STAMBPL1: variants seen among roughly 807,000 people sequenced by gnomAD.
The protein encoded by STAMBPL1 is STAM binding protein like 1.
Under a neutral mutation model 52.9 loss-of-function variants are expected in STAMBPL1, and 44 were observed. That is an observed-to-expected ratio of 0.83 (90% confidence interval 0.65 to 1.07). The LOEUF (loss-of-function observed/expected upper bound fraction) is 1.07. STAMBPL1 is among the 50% of genes least tolerant of loss of function. The pLI, the probability that STAMBPL1 is intolerant of heterozygous loss-of-function variation, is 0.00. For synonymous variants in STAMBPL1, 164 were observed against 177.3 expected, an observed-to-expected ratio of 0.92 and a Z score of 0.60; for missense variants, 511 against 520.8, an observed-to-expected ratio of 0.98 and a Z score of 0.18.
rs756949249 is a variant in STAMBPL1 at position 88,908,707 on chromosome 10, T to C, written c.254T>C (p.Phe85Ser). 2.5e-6 allele frequency: 4 copies of C among 1,609,446 alleles called. No individual in the cohort carries two copies. The highest frequency in any genetic ancestry group is 2.7e-5 in the African/African-American group (2 of 74,594). Residue 85 changes from phenylalanine to serine, a missense_variant, in exon 4 of 11, where the codon TTT becomes TCT. Around this residue, in one of 3 missense-constraint regions of STAMBPL1, gnomAD observed 358 missense variants for 343.5 expected, o/e 1.04. Transcript: ENST00000371926. Reference protein sequence around the residue: ...FVLYNKFITLFVEKLPNHRDY... With the variant: ...FVLYNKFITLSVEKLPNHRDY... The stretch of plus-strand genomic sequence containing the variant: ...ACATGTTTTCTCTTCCTTAGCTTAT[T>C]TGTAGAAAAGCTTCCTAACCATCGA...
chr10:88,881,176 T>A (rs1844396705), intron 1 of STAMBPL1, among the ~76,000 whole-genome samples: 1 of 152,162 alleles, frequency 6.6e-6, no homozygotes, highest in African/African-American at 2.4e-5. Context: ...GCCCCTCACC[T>A]GAATAACTTA....
chr10:88,889,157 T>C (rs1844615812), intron 1 of STAMBPL1, among the ~76,000 whole-genome samples: 1 of 152,236 alleles, frequency 6.6e-6, no homozygotes, highest in African/African-American at 2.4e-5. Context: ...AGAGATTCTT[T>C]ATTTTAAGTA....
chr10:88,897,222 G>A (rs1460765093), intron 1 of STAMBPL1, among the ~76,000 whole-genome samples: 1 of 152,182 alleles, frequency 6.6e-6, no homozygotes, highest in Admixed American at 6.5e-5. Flanking sequence ...GGGCACAGTC[G>A]ACTGCTCAGT....
chr10:88,916,162 A>G (rs1476798131), intron 7 of STAMBPL1, among the ~76,000 whole-genome samples: 4 of 152,150 alleles, frequency 2.6e-5, no homozygotes, highest in African/African-American at 9.7e-5. Context: ...AAGTCCTCCC[A>G]GCATTCGAAG....
At chr10:88,884,381 G>C (rs1250574237) in intron 1 of STAMBPL1, among the ~76,000 whole-genome samples, 1 of 152,138 alleles carries the variant, frequency 6.6e-6, no homozygotes, top group African/African-American at 2.4e-5. Flanking sequence ...TTTGATTTGA[G>C]GTGGTAGCCA....
intron 4 of STAMBPL1, among the ~76,000 whole-genome samples, chr10:88,909,531 C>T (rs915045991): frequency 2.6e-5 from 4 of 152,006 alleles, no homozygotes; most frequent in South Asian, 2.1e-4. Flanking sequence ...AAAGGCTTTC[C>T]TATGAGTATT....
At chr10:88,891,169 T>A (rs1844672572) in intron 1 of STAMBPL1, among the ~76,000 whole-genome samples, 1 of 152,214 alleles carries the variant, frequency 6.6e-6, no homozygotes, top group Admixed American at 6.5e-5. Context: ...CAAATGTATT[T>A]ATCCAAAAAT....
rs754778033 is a variant in STAMBPL1 at position 88,922,461 on chromosome 10, T to G, written c.1254+25T>G. 1.1e-5 allele frequency: 17 copies of G among 1,607,910 alleles called. No individual in the cohort carries two copies. The South Asian group carries it at 1.9e-4, about 18-fold the overall frequency. ...TGTGAGTACATCATATTAGTTATTTTTCCAGGTATTTCTTGTTCACTGCCC... is the reference window on the plus strand; with the variant it reads ...TGTGAGTACATCATATTAGTTATTTGTCCAGGTATTTCTTGTTCACTGCCC... On this transcript the variant is annotated intron_variant, in intron 10 of 10. Transcript: ENST00000371926.
chr10:88,918,948 A>G (rs1277898366), intron 8 of STAMBPL1, among the ~76,000 whole-genome samples: 1 of 152,224 alleles, frequency 6.6e-6, no homozygotes, highest in African/African-American at 2.4e-5. Flanking sequence ...ACTTTTTGTT[A>G]AACTCATTTC....
intron 8 of STAMBPL1, among the ~76,000 whole-genome samples, chr10:88,919,914 C>A (rs965587011): frequency 6.6e-6 from 1 of 151,974 alleles, no homozygotes; most frequent in Non-Finnish European, 1.5e-5. Context: ...CAGCTCACTG[C>A]AGCCTCAACC....
chr10:88,922,192 T>A, intron 9 of STAMBPL1, 145 bp from the exon 10 acceptor site: 4 of 721,474 alleles, frequency 5.5e-6, no homozygotes, highest in Non-Finnish European at 8.7e-6. Flanking sequence ...GTCATTGGTT[T>A]AAAAAAAAAA....
intron 7 of STAMBPL1, 91 bp from the exon 8 acceptor site, chr10:88,916,589 G>T (rs1845375534): frequency 2.2e-6 from 3 of 1,334,356 alleles, no homozygotes; most frequent in Non-Finnish European, 3.0e-6. Context: ...CCTGCTGGGG[G>T]ACTCTTTAGT....
rs541154469 is a variant in STAMBPL1, at chr10:88,914,265, T to C, written c.779-269T>C. 8.0e-4 allele frequency among the ~76,000 whole-genome samples: 122 copies of C among 152,310 alleles called. No individual in the cohort carries two copies. In the Middle Eastern group the frequency reaches 0.031, roughly 38 times the overall value. On this transcript the variant is annotated intron_variant, in intron 6 of 10. Coordinates refer to ENST00000371926, the MANE Select transcript of STAMBPL1 (RefSeq NM_020799.4). The stretch of plus-strand genomic sequence containing the variant: ...ATTTGCTTCATGCCTAAAGATAACA[T>C]AACATGTAAATAGTTAACCCAAGAT...
intron 10 of STAMBPL1, 135 bp from the exon 11 acceptor site, chr10:88,923,033 G>T (rs1845553470): frequency 6.1e-6 from 4 of 654,826 alleles, no homozygotes; most frequent in South Asian, 5.7e-5. Flanking sequence ...GATTGTATTT[G>T]TTCTGATTGG....
chr10:88,916,643 TGAGATGCATGTCA>T, intron 7 of STAMBPL1, 24 bp from the exon 8 acceptor site: 1 of 1,552,432 alleles, frequency 6.4e-7, no homozygotes. Flanking sequence ...TTTTTTTCTG[TGAGATGCATGTCA>T]TTCTTTCTGC....
chr10:88,888,321 C>T (rs185103822), intron 1 of STAMBPL1, among the ~76,000 whole-genome samples: 31 of 152,212 alleles, frequency 2.0e-4, no homozygotes, highest in African/African-American at 7.0e-4. Flanking sequence ...AGTTTTTGAG[C>T]CGGGGACTAA....
intron 4 of STAMBPL1, among the ~76,000 whole-genome samples, chr10:88,909,835 A>T (rs1381442169): frequency 6.6e-6 from 1 of 152,168 alleles, no homozygotes; most frequent in Non-Finnish European, 1.5e-5. Flanking sequence ...TCCTGACCTC[A>T]AGTGATCCAC....
intron 2 of STAMBPL1, among the ~76,000 whole-genome samples, chr10:88,902,665 G>A (rs573347394): frequency 1.3e-3 from 202 of 152,138 alleles, no homozygotes; most frequent in African/African-American, 4.7e-3. Context: ...CCACCTCCCA[G>A]GTTCATGCCA....
At chr10:88,896,936 T>A (rs1390104619) in intron 1 of STAMBPL1, among the ~76,000 whole-genome samples, 1 of 151,930 alleles carries the variant, frequency 6.6e-6, no homozygotes, top group African/African-American at 2.4e-5. Context: ...AATCACAAAA[T>A]AAGCACCATG....
Sources: gnomAD v4.1 joint callset for allele counts (sites outside exome capture counted in the v4.1 genomes callset) on GRCh38, gnomAD v4.1.1 for gene constraint, gnomAD v4.1.1 regional missense constraint, MANE v1.5 for transcripts, NCBI Gene and HGNC (gene_info 2026-07-23, HGNC 2026-07-21) for gene names.